MORC1: variants seen among roughly 807,000 people sequenced by gnomAD.
The protein encoded by MORC1 is MORC family CW-type zinc finger protein 1.
A neutral mutation model predicts 134.9 loss-of-function variants in MORC1; 59 were observed. The ratio of observed to expected loss-of-function variants is 0.44; its 90% confidence interval spans 0.35 to 0.54. MORC1 has a LOEUF of 0.54. Ranked by LOEUF, MORC1 falls within the 20% of genes least tolerant of loss-of-function variation. The pLI, the probability that MORC1 is intolerant of heterozygous loss-of-function variation, is 0.00. For synonymous variants in MORC1, 395 were observed against 391.7 expected, an observed-to-expected ratio of 1.01 and a Z score of -0.10; for missense variants, 947 against 1,134.5, an observed-to-expected ratio of 0.83 and a Z score of 2.37.
chr3:109,042,493 A>G (rs1949575883), intron 14 of MORC1, among the ~76,000 whole-genome samples: 1 of 152,234 alleles, frequency 6.6e-6, no homozygotes, highest in African/African-American at 2.4e-5. Flanking sequence ...AGTATGAATT[A>G]GTGTAGCCAT....
At chr3:109,098,444 C>G (rs1391303527) in intron 6 of MORC1, among the ~76,000 whole-genome samples, 1 of 152,146 alleles carries the variant, frequency 6.6e-6, no homozygotes, top group Non-Finnish European at 1.5e-5. Context: ...TACCTGCAGA[C>G]TGCTCCTGTC....
chr3:109,087,038 T>A (rs1394696420), intron 8 of MORC1, among the ~76,000 whole-genome samples: 1 of 152,038 alleles, frequency 6.6e-6, no homozygotes, highest in Non-Finnish European at 1.5e-5. Context: ...CACTTTTACA[T>A]TGCTTTACCT....
chr3:108,984,391 T>C (rs2107461807), intron 23 of MORC1, among the ~76,000 whole-genome samples: 1 of 152,148 alleles, frequency 6.6e-6, no homozygotes, highest in Non-Finnish European at 1.5e-5. Flanking sequence ...AAAAAATCAG[T>C]TAATGATTTC....
rs1364259541 is a variant in MORC1, at chr3:109,035,484, G to T, written c.1331-16C>A. On this transcript the variant is annotated splice_polypyrimidine_tract_variant and intron_variant, in intron 14 of 27. Coordinates refer to ENST00000232603, the MANE Select transcript of MORC1 (RefSeq NM_014429.4). Reference sequence around the variant, plus strand: ...TTTCTATTATCTTTTAAAAAAAAAAGCAGGCAAAGAATAACAAAAAAAAAT... The same window carrying T: ...TTTCTATTATCTTTTAAAAAAAAAATCAGGCAAAGAATAACAAAAAAAAAT... 1.5e-6 allele frequency: 2 copies of T among 1,320,356 alleles called. No homozygotes were observed. Among genetic ancestry groups the T allele is most frequent in the South Asian group, 1.4e-5 (1 of 70,034 alleles). 81.8% of individuals were successfully genotyped at this position (1,320,356 alleles called of 1,614,324 possible). A position where few individuals can be genotyped will look rare whatever the true frequency, so the allele number is the denominator to read the frequency against.
At chr3:109,027,298 C>T (rs1305974924) in intron 17 of MORC1, among the ~76,000 whole-genome samples, 3 of 152,140 alleles carry the variant, frequency 2.0e-5, no homozygotes, top group Non-Finnish European at 2.9e-5. Context: ...ATTTTCTTAA[C>T]AATTAAATAT....
intron 24 of MORC1, among the ~76,000 whole-genome samples, chr3:108,972,808 G>A (rs1285553691): frequency 6.6e-6 from 1 of 152,112 alleles, no homozygotes; most frequent in African/African-American, 2.4e-5. Flanking sequence ...CAGAGCATTG[G>A]TTCTTTCCAT....
chr3:109,104,255 G>A (rs1265986953), intron 3 of MORC1, among the ~76,000 whole-genome samples: 1 of 152,156 alleles, frequency 6.6e-6, no homozygotes, highest in Non-Finnish European at 1.5e-5. Flanking sequence ...AAATGGTGAA[G>A]TGACCCCAGG....
At chr3:109,029,646 A>G (rs1949189744) in intron 16 of MORC1, among the ~76,000 whole-genome samples, 1 of 152,208 alleles carries the variant, frequency 6.6e-6, no homozygotes, top group South Asian at 2.1e-4. Flanking sequence ...TACTGTGTCA[A>G]AAATGTATAG....
At chr3:108,977,252 A>G (rs551526347) in intron 24 of MORC1, among the ~76,000 whole-genome samples, 1 of 152,352 alleles carries the variant, frequency 6.6e-6, no homozygotes, top group South Asian at 2.1e-4. Context: ...TCATCCATAC[A>G]CAATATTTAA....
At chr3:109,010,495 T>C (rs1175439869) in intron 17 of MORC1, among the ~76,000 whole-genome samples, 3 of 152,220 alleles carry the variant, frequency 2.0e-5, no homozygotes, top group Non-Finnish European at 4.4e-5. Flanking sequence ...CTGATGTGCA[T>C]TTTAATTTTT....
chr3:109,093,307 A>G (rs9821382), intron 8 of MORC1, 129 bp downstream of exon 8: 176,528 of 639,714 alleles, frequency 0.28, 26,879 homozygotes, highest in African/African-American at 0.45. Flanking sequence ...CAACTTTACT[A>G]GTAACTAGGG....
intron 17 of MORC1, among the ~76,000 whole-genome samples, chr3:109,023,991 C>A (rs1949018707): frequency 6.6e-6 from 1 of 152,298 alleles, no homozygotes; most frequent in East Asian, 1.9e-4. Flanking sequence ...TTCAGAAGCA[C>A]AATTTATAAC....
intron 8 of MORC1, among the ~76,000 whole-genome samples, chr3:109,079,643 T>G (rs576193036): frequency 5.0e-4 from 76 of 152,090 alleles, no homozygotes; most frequent in African/African-American, 1.8e-3. Context: ...TCTATTTAAC[T>G]AGCCAACTAA....
In MORC1 at chr3:108,984,707, TAC is replaced by T. The variant is rs1559871858; in HGVS notation, c.2324+7_2324+8del. The T allele has an allele frequency of 6.3e-7, 1 of 1,587,626 alleles. No individual in the cohort carries two copies. Among genetic ancestry groups the T allele is most frequent in the South Asian group, 1.1e-5 (1 of 89,090 alleles). On this transcript the variant is annotated splice_region_variant and intron_variant, in intron 23 of 27. Coordinates refer to ENST00000232603, the MANE Select transcript of MORC1 (RefSeq NM_014429.4). ...TCACTTGGAATTTGTATAACTGTAG[TAC>T]ACTCACCTTTTCCAGCTAGGTAATG... is the stretch of plus-strand genomic sequence containing the variant.
chr3:108,976,911 AC>A (rs1329838037), intron 24 of MORC1, among the ~76,000 whole-genome samples: 3 of 152,212 alleles, frequency 2.0e-5, no homozygotes, highest in African/African-American at 7.2e-5. Context: ...CTTTTTGATC[AC>A]ATGTAACTCA....
At chr3:109,099,582 G>T in intron 5 of MORC1, 116 bp from the exon 6 acceptor site, 2 of 727,260 alleles carry the variant, frequency 2.8e-6, no homozygotes, top group Non-Finnish European at 4.1e-6. Flanking sequence ...ACTCTGTTCT[G>T]CTGACCCGTC....
chr3:109,107,318 G>A (rs1951061074), intron 3 of MORC1, among the ~76,000 whole-genome samples: 2 of 152,112 alleles, frequency 1.3e-5, no homozygotes, highest in South Asian at 4.2e-4. Flanking sequence ...TTGGACCAAT[G>A]GTTCCTACAC....
At chr3:108,981,322 G>A (rs944910044) in intron 23 of MORC1, among the ~76,000 whole-genome samples, 4 of 152,074 alleles carry the variant, frequency 2.6e-5, no homozygotes, top group East Asian at 1.9e-4. Flanking sequence ...TATATCAAAC[G>A]GAATGTGCTT....
chr3:108,989,100 T>C (rs1178128968), intron 21 of MORC1, among the ~76,000 whole-genome samples: 1 of 152,188 alleles, frequency 6.6e-6, no homozygotes, highest in African/African-American at 2.4e-5. Context: ...CTGCCTTCTA[T>C]TACAATATAG....
Sources: gnomAD v4.1 joint callset for allele counts (sites outside exome capture counted in the v4.1 genomes callset) on GRCh38, gnomAD v4.1.1 for gene constraint, MANE v1.5 for transcripts, NCBI Gene and HGNC (gene_info 2026-07-23, HGNC 2026-07-21) for gene names.